VIT: variants seen among roughly 807,000 people sequenced by gnomAD.
VIT encodes vitrin.
A neutral mutation model predicts 78.0 loss-of-function variants in VIT; 99 were observed. That is an observed-to-expected ratio of 1.27 (90% CI 1.08 to 1.50). The LOEUF (loss-of-function observed/expected upper bound fraction) is 1.50, where lower values mean the gene tolerates loss of function less well. VIT is among the 40% of genes most tolerant of loss of function. The probability of loss-of-function intolerance (pLI) is 0.00; values close to 1 mark genes in which losing one functional copy is unlikely to be tolerated. For synonymous variants in VIT, 374 were observed against 334.3 expected, an observed-to-expected ratio of 1.12 and a Z score of -1.29; for missense variants, 1,126 against 875.3, an observed-to-expected ratio of 1.29 and a Z score of -3.61.
In VIT at chr2:36,808,995, G is replaced by C. The variant is rs1185583507; in HGVS notation, c.1903+10G>C. On this transcript the variant is annotated intron_variant, in intron 15 of 15. Coordinates refer to ENST00000379242, the MANE Select transcript of VIT (RefSeq NM_053276.4). The stretch of plus-strand genomic sequence containing the variant: ...GCTGCCCATCTGAAGGGTAAGCTGG[G>C]CTTGCCAAGCAGCCTGGTGCTGAGG... 1.9e-6 allele frequency: 3 copies of C among 1,564,388 alleles called. No homozygotes were observed. In the Admixed American group the frequency reaches 5.3e-5, roughly 28 times the overall value.
intron 3 of VIT, among the ~76,000 whole-genome samples, chr2:36,734,789 G>A (rs995821067): frequency 1.3e-5 from 2 of 151,514 alleles, no homozygotes; most frequent in East Asian, 1.9e-4. Flanking sequence ...TGGTCTGTCC[G>A]TGGGCTCCAG....
intron 11 of VIT, 23 bp from the exon 12 acceptor site, chr2:36,787,106 T>C (rs370806741): frequency 3.7e-6 from 6 of 1,613,798 alleles, no homozygotes; most frequent in East Asian, 2.2e-5. Flanking sequence ...ATGAGAATAA[T>C]AGAGTCTTTT....
chr2:36,808,471 G>T lies in VIT; in HGVS notation c.1390-1G>T. On this transcript the variant is annotated splice_acceptor_variant, in intron 14 of 15. Transcript: ENST00000379242. LOFTEE classifies it high-confidence loss of function. ...GTGGGTCCCTCCCCTCTGTCTTCTA[G>T]GCCGTGTGCAGAACAAACGGCTTCT... 2 of 1,600,258 alleles carry T rather than the reference G, an allele frequency of 1.2e-6. No homozygotes were observed. Among genetic ancestry groups the T allele is most frequent in the Non-Finnish European group, 1.7e-6 (2 of 1,169,788 alleles).
intron 4 of VIT, among the ~76,000 whole-genome samples, chr2:36,745,929 T>C (rs1391472426): frequency 1.3e-5 from 2 of 152,190 alleles, no homozygotes; most frequent in African/African-American, 2.4e-5. Context: ...CAGTACGATG[T>C]TGGCTGTGGA....
chr2:36,767,345 G>C, intron 7 of VIT, 60 bp downstream of exon 7: 1 of 1,417,534 alleles, frequency 7.1e-7, no homozygotes, highest in Non-Finnish European at 9.3e-7. Flanking sequence ...GGCTTTTAGA[G>C]TAACAGCTCT....
chr2:36,773,848 G>T lies in VIT; in HGVS notation c.736+1G>T. On this transcript the variant is annotated splice_donor_variant, in intron 8 of 15. Coordinates refer to ENST00000379242, the MANE Select transcript of VIT (RefSeq NM_053276.4). LOFTEE classifies it high-confidence loss of function. ...CAAAACAGGCCCAGAGCTGATCCAG[G>T]TAAGACCTTAAACTCCCTTTCCAGC... 6.3e-7 allele frequency: 1 copy of T among 1,593,690 alleles called. No homozygotes were observed. Among genetic ancestry groups the T allele is most frequent in the Non-Finnish European group, 8.6e-7 (1 of 1,168,088 alleles).
chr2:36,732,155 T>C (rs1288200691), intron 3 of VIT, among the ~76,000 whole-genome samples: 2 of 152,232 alleles, frequency 1.3e-5, no homozygotes, highest in Non-Finnish European at 2.9e-5. Flanking sequence ...CTTCGGGCTG[T>C]TTCCAGTATC....
At chr2:36,804,713 C>A (rs1040394673) in intron 13 of VIT, among the ~76,000 whole-genome samples, 1 of 152,044 alleles carries the variant, frequency 6.6e-6, no homozygotes, top group South Asian at 2.1e-4. Context: ...GCCTGTAGTC[C>A]CAGCTACTTG....
At chr2:36,734,389 G>C (rs1442956118) in intron 3 of VIT, among the ~76,000 whole-genome samples, 2 of 152,058 alleles carry the variant, frequency 1.3e-5, no homozygotes, top group Non-Finnish European at 2.9e-5. Context: ...GTTGGTCAGT[G>C]ATTAATTTCC....
intron 1 of VIT, among the ~76,000 whole-genome samples, chr2:36,705,269 A>G (rs1558500800): frequency 6.6e-6 from 1 of 152,142 alleles, no homozygotes; most frequent in Non-Finnish European, 1.5e-5. Flanking sequence ...TCCATTACAC[A>G]GGATAAATAA....
At chr2:36,761,129 C>A (rs952285453) in intron 6 of VIT, among the ~76,000 whole-genome samples, 1 of 152,182 alleles carries the variant, frequency 6.6e-6, no homozygotes, top group East Asian at 1.9e-4. Flanking sequence ...GTATTGCACA[C>A]GTGTGATGGA....
chr2:36,714,111 T>C (rs1665979262), intron 1 of VIT, among the ~76,000 whole-genome samples: 1 of 152,194 alleles, frequency 6.6e-6, no homozygotes, highest in African/African-American at 2.4e-5. Context: ...TGTTGGAAAA[T>C]AACAAAGTGA....
At chr2:36,779,776 G>A (rs1327318502) in intron 9 of VIT, among the ~76,000 whole-genome samples, 1 of 152,174 alleles carries the variant, frequency 6.6e-6, no homozygotes, top group Non-Finnish European at 1.5e-5. Flanking sequence ...AGCAAGAATT[G>A]TCACAAAAAC....
chr2:36,716,450 T>C (rs1478927797), intron 2 of VIT, 28 bp downstream of exon 2: 3 of 1,609,910 alleles, frequency 1.9e-6, no homozygotes, highest in Admixed American at 1.7e-5. Flanking sequence ...TGTATCTGGA[T>C]ACCCTTTTAA....
At chr2:36,773,878 G>A in intron 8 of VIT, 31 bp downstream of exon 8, 1 of 1,571,482 alleles carries the variant, frequency 6.4e-7, no homozygotes, top group Non-Finnish European at 8.6e-7. Context: ...TCCAGCCACT[G>A]ATGAAAGTTA....
At chr2:36,784,557 A>T (rs1175481526) in intron 11 of VIT, among the ~76,000 whole-genome samples, 1 of 152,212 alleles carries the variant, frequency 6.6e-6, no homozygotes, top group Non-Finnish European at 1.5e-5. Context: ...TATGTACATG[A>T]CTGTGGTATG....
At chr2:36,746,792 A>G (rs571417936) in intron 4 of VIT, among the ~76,000 whole-genome samples, 2 of 152,148 alleles carry the variant, frequency 1.3e-5, no homozygotes, top group Admixed American at 1.3e-4. Flanking sequence ...TTCACAATTC[A>G]GTTTCATTCA....
At chr2:36,732,295 T>C (rs1402640961) in intron 3 of VIT, among the ~76,000 whole-genome samples, 3 of 152,238 alleles carry the variant, frequency 2.0e-5, no homozygotes, top group Non-Finnish European at 4.4e-5. Context: ...ATGGATTGAA[T>C]TTCTGATATG....
At chr2:36,719,805 G>A (rs1246218195) in intron 2 of VIT, among the ~76,000 whole-genome samples, 1 of 152,210 alleles carries the variant, frequency 6.6e-6, no homozygotes, top group Admixed American at 6.5e-5. Flanking sequence ...TCCAGGTGTG[G>A]TGGCATGTGA....
Sources: allele counts gnomAD v4.1 joint callset (sites outside exome capture counted in the v4.1 genomes callset), GRCh38; gene constraint gnomAD v4.1.1; transcripts MANE v1.5; gene names NCBI Gene and HGNC (gene_info 2026-07-23, HGNC 2026-07-21).